SAMD12: variants seen among roughly 807,000 people sequenced by gnomAD.
SAMD12 encodes the protein sterile alpha motif domain-containing protein 12.
In SAMD12, 9 loss-of-function variants were observed where a neutral mutation model predicts 15.0. The ratio of observed to expected loss-of-function variants is 0.60; its 90% CI spans 0.36 to 1.05. The LOEUF is 1.05. Among genes scored for constraint, SAMD12 ranks in the 50% least tolerant of loss-of-function variants. The pLI, the probability that SAMD12 is intolerant of heterozygous loss-of-function variation, is 0.01. For missense variants in SAMD12, 230 were observed against 234.2 expected (o/e 0.98, Z 0.12); for synonymous variants, 86 against 90.1 (o/e 0.96, Z 0.25).
chr8:118,363,179 T>G (rs1040320275), intron 4 of SAMD12, among the ~76,000 whole-genome samples: 2 of 152,168 alleles, frequency 1.3e-5, no homozygotes, highest in African/African-American at 4.8e-5. Flanking sequence ...GGAAAGAGCA[T>G]GGGCTTTGGA....
rs1442227232 is a variant in SAMD12, at chr8:118,448,894, G to A, written c.193-8933C>T. On this transcript the variant is annotated intron_variant, in intron 2 of 3. Coordinates refer to ENST00000314727, the MANE Select transcript of SAMD12 (RefSeq NM_207506.3). ...AATAATACCTATCTTATAGTTTGTG[G>A]AAGGATTAGAAATGGTTTAACTAAA... Among the ~76,000 whole-genome samples, 4 of 152,128 alleles carry A rather than the reference G, an allele frequency of 2.6e-5. No homozygotes were observed. The South Asian group carries it at 8.3e-4, about 32-fold the overall frequency.
chr8:118,262,636 A>G (rs1813106034), intron 4 of SAMD12, among the ~76,000 whole-genome samples: 2 of 152,136 alleles, frequency 1.3e-5, no homozygotes, highest in Non-Finnish European at 2.9e-5. Context: ...ACAATGAAGA[A>G]AAGTTACTGG....
chr8:118,480,411 T>A (rs1824092801), intron 2 of SAMD12, among the ~76,000 whole-genome samples: 1 of 152,204 alleles, frequency 6.6e-6, no homozygotes, highest in African/African-American at 2.4e-5. Flanking sequence ...TCAAATATTG[T>A]AGTGTAAGTT....
intron 4 of SAMD12, among the ~76,000 whole-genome samples, chr8:118,201,875 T>C (rs1445812131): frequency 6.6e-6 from 1 of 152,228 alleles, no homozygotes; most frequent in Non-Finnish European, 1.5e-5. Context: ...TTAGACATTC[T>C]TGGAATTATT....
chr8:118,517,745 A>AT (rs535251398), intron 2 of SAMD12, among the ~76,000 whole-genome samples: 134 of 152,294 alleles, frequency 8.8e-4, no homozygotes, highest in African/African-American at 2.8e-3. Context: ...ATCGACCAGC[A>AT]TTTTTTGGTA....
intron 4 of SAMD12, among the ~76,000 whole-genome samples, chr8:118,293,059 A>C (rs1814501648): frequency 2.0e-5 from 2 of 100,736 alleles, no homozygotes; most frequent in African/African-American, 7.5e-5. Context: ...AATAATAAAA[A>C]AACAAACAAA....
chr8:118,571,881 C>T (rs1827021878), intron 2 of SAMD12, among the ~76,000 whole-genome samples: 1 of 152,210 alleles, frequency 6.6e-6, no homozygotes, highest in Non-Finnish European at 1.5e-5. Flanking sequence ...AGCACAGAGT[C>T]CCTACTGGAG....
intron 2 of SAMD12, among the ~76,000 whole-genome samples, chr8:118,552,390 T>C (rs1826365674): frequency 6.6e-6 from 1 of 152,148 alleles, no homozygotes; most frequent in Admixed American, 6.5e-5. Context: ...AATCAATAAA[T>C]GTAATCCAGC....
intron 4 of SAMD12, among the ~76,000 whole-genome samples, chr8:118,320,995 T>G (rs1177538371): frequency 2.0e-5 from 3 of 148,144 alleles, no homozygotes; most frequent in Non-Finnish European, 4.5e-5. Flanking sequence ...TGTGACCTGG[T>G]GACAAAGTCA....
intron 2 of SAMD12, among the ~76,000 whole-genome samples, chr8:118,464,233 G>A (rs988884845): frequency 2.0e-5 from 3 of 152,208 alleles, no homozygotes; most frequent in East Asian, 3.9e-4. Context: ...TAGCTGATGC[G>A]GCTAACTTTG....
chr8:118,400,050 A>C (rs16890955), intron 3 of SAMD12, among the ~76,000 whole-genome samples: 11,314 of 152,262 alleles, frequency 0.074, 1,399 homozygotes, highest in African/African-American at 0.26. Context: ...TCCATAAAAC[A>C]CTATGAGCAC....
chr8:118,158,735 C>T, the SAMD12 span, among the ~76,000 whole-genome samples: 3 of 152,158 alleles, frequency 2.0e-5, no homozygotes, highest in African/African-American at 7.2e-5. Flanking sequence ...TCAGCATGCA[C>T]TTCCTCCCCT....
chr8:118,316,097 G>A (rs921945073), intron 4 of SAMD12, among the ~76,000 whole-genome samples: 1 of 152,090 alleles, frequency 6.6e-6, no homozygotes, highest in Admixed American at 6.6e-5. Flanking sequence ...CATGCTGTTC[G>A]AAGGAAAGTT....
intron 4 of SAMD12, among the ~76,000 whole-genome samples, chr8:118,302,202 A>G (rs553769880): frequency 2.6e-5 from 4 of 151,390 alleles, no homozygotes; most frequent in African/African-American, 7.3e-5. Flanking sequence ...CTTTCAGGGA[A>G]CAACAGGGAA....
chr8:118,537,547 A>G (rs1306014842), intron 2 of SAMD12, among the ~76,000 whole-genome samples: 3 of 152,104 alleles, frequency 2.0e-5, no homozygotes, highest in Non-Finnish European at 4.4e-5. Context: ...CTGCTCAATC[A>G]ATTCTGCTGT....
intron 4 of SAMD12, among the ~76,000 whole-genome samples, chr8:118,302,347 G>C (rs1389320023): frequency 6.6e-6 from 1 of 152,112 alleles, no homozygotes; most frequent in Non-Finnish European, 1.5e-5. Flanking sequence ...TGTGTTTATT[G>C]AGTATGTACT....
chr8:118,554,741 TATG>T (rs1453365145), intron 2 of SAMD12, among the ~76,000 whole-genome samples: 1 of 152,112 alleles, frequency 6.6e-6, no homozygotes, highest in African/African-American at 2.4e-5. Flanking sequence ...GATTACCCTT[TATG>T]ATATGGGTGG....
chr8:118,592,905 A>G (rs894069917), intron 1 of SAMD12, among the ~76,000 whole-genome samples: 3 of 152,234 alleles, frequency 2.0e-5, no homozygotes, highest in African/African-American at 7.2e-5. Flanking sequence ...AAACAGAAGT[A>G]TCTATCAAAC....
At chr8:118,544,018 C>A (rs60812036) in intron 2 of SAMD12, among the ~76,000 whole-genome samples, 2 of 152,104 alleles carry the variant, frequency 1.3e-5, no homozygotes, top group Non-Finnish European at 2.9e-5. Context: ...TATAAGCTCT[C>A]GGGTCTGGTG....
Sources: allele counts gnomAD v4.1 joint callset (sites outside exome capture counted in the v4.1 genomes callset), GRCh38; gene constraint gnomAD v4.1.1; transcripts MANE v1.5; gene names NCBI Gene and HGNC (gene_info 2026-07-23, HGNC 2026-07-21).